Variants in LRRC1 observed in about 807,000 individuals in gnomAD.
LRRC1 encodes the protein leucine-rich repeat-containing protein 1.
A neutral mutation model predicts 69.9 loss-of-function variants in LRRC1; 28 were observed. The ratio of observed to expected loss-of-function variants is 0.40; its 90% CI spans 0.30 to 0.55. LRRC1 has a LOEUF of 0.55. Ranked by LOEUF, LRRC1 falls within the 20% of genes least tolerant of loss-of-function variation. The pLI is 0.47. For missense variants in LRRC1, 498 were observed against 609.0 expected, an observed-to-expected ratio of 0.82 and a Z score of 1.92; for synonymous variants, 236 against 240.2, an observed-to-expected ratio of 0.98 and a Z score of 0.16.
At chr6:53,846,570 G>A (rs1335036658) in intron 2 of LRRC1, among the ~76,000 whole-genome samples, 1 of 152,146 alleles carries the variant, frequency 6.6e-6, no homozygotes, top group Non-Finnish European at 1.5e-5. Context: ...CACTTCTCTT[G>A]TCTTAACTTG....
chr6:53,896,963 T>C, intron 6 of LRRC1, 71 bp downstream of exon 6: 1 of 973,760 alleles, frequency 1.0e-6, no homozygotes, highest in South Asian at 1.4e-5. Flanking sequence ...GGGGGAGTTC[T>C]ATAGGGATCT....
At chr6:53,870,560 A>G (rs1766849184) in intron 2 of LRRC1, among the ~76,000 whole-genome samples, 1 of 152,156 alleles carries the variant, frequency 6.6e-6, no homozygotes, top group South Asian at 2.1e-4. Flanking sequence ...TGTTTTTGAT[A>G]CATTTATACA....
chr6:53,837,845 A>G (rs545542137), intron 1 of LRRC1, among the ~76,000 whole-genome samples: 31 of 152,328 alleles, frequency 2.0e-4, no homozygotes, highest in African/African-American at 5.1e-4. Context: ...TGTATCTACT[A>G]AAAGCAATGG....
chr6:53,884,711 G>A (rs1767417187), intron 4 of LRRC1, among the ~76,000 whole-genome samples: 2 of 151,222 alleles, frequency 1.3e-5, no homozygotes, highest in Admixed American at 6.6e-5. Flanking sequence ...TTCCCATTTT[G>A]TGTCTTTTTA....
Position 53,923,849 on chromosome 6 carries a change from A to AC in LRRC1, c.*1058dup, listed in dbSNP as rs1310281694. 6.6e-6 allele frequency: 1 copy of AC among 152,640 alleles called. No homozygotes were observed. The highest frequency in any genetic ancestry group is 1.5e-5 in the Non-Finnish European group (1 of 68,048). 9.5% of individuals were successfully genotyped at this position (152,640 alleles called of 1,614,324 possible). ...TATACAACCACAATAAAGCAAAATA[A>AC]CCTACTATCAAAATAGAAATGTTGC... On this transcript the variant is annotated 3_prime_UTR_variant, in exon 14 of 14. Coordinates refer to ENST00000370888, the MANE Select transcript of LRRC1 (RefSeq NM_018214.5).
chr6:53,903,415 C>T (rs1768126529), intron 9 of LRRC1, among the ~76,000 whole-genome samples: 1 of 152,178 alleles, frequency 6.6e-6, no homozygotes, highest in African/African-American at 2.4e-5. Flanking sequence ...CTGCTGCCCC[C>T]TCTGCTTTTG....
chr6:53,920,921 C>A, intron 13 of LRRC1, 160 bp downstream of exon 13: 2 of 741,160 alleles, frequency 2.7e-6, no homozygotes, highest in Non-Finnish European at 4.3e-6. Flanking sequence ...ATTCTAGGTA[C>A]TCACTCACAA....
chr6:53,904,237 A>G, intron 9 of LRRC1, 142 bp from the exon 10 acceptor site: 2 of 562,134 alleles, frequency 3.6e-6, no homozygotes, highest in Non-Finnish European at 3.2e-6. Context: ...AGGGAACATT[A>G]CAAATATCTG....
chr6:53,808,606 A>G (rs1329713076), intron 1 of LRRC1, among the ~76,000 whole-genome samples: 1 of 152,120 alleles, frequency 6.6e-6, no homozygotes, highest in Non-Finnish European at 1.5e-5. Flanking sequence ...GGAGAGGGTA[A>G]ATAACTTGCC....
chr6:53,820,263 C>T (rs1765080057), intron 1 of LRRC1, among the ~76,000 whole-genome samples: 1 of 151,772 alleles, frequency 6.6e-6, no homozygotes, highest in South Asian at 2.1e-4. Context: ...AGACTTCTGC[C>T]ATTTGCTAGC....
rs16884465 is a variant in LRRC1, at chr6:53,919,754, C to A, written c.1279+84C>A. On this transcript the variant is annotated intron_variant, in intron 12 of 13. Coordinates refer to ENST00000370888, the MANE Select transcript of LRRC1 (RefSeq NM_018214.5). Reference sequence around the variant, plus strand: ...CTGTCCATAAGGCCTCTTACTCCCTCATGTGATTGTGTTATATCCAGTCTG... The same window carrying A: ...CTGTCCATAAGGCCTCTTACTCCCTAATGTGATTGTGTTATATCCAGTCTG... 591 of 1,257,364 alleles carry A rather than the reference C, an allele frequency of 4.7e-4. 5 individuals are homozygous for A. In the African/African-American group the frequency reaches 8.1e-3, roughly 17 times the overall value. The allele number at this position is 1,257,364 out of a possible 1,614,324, so 77.9% of individuals were successfully genotyped here.
At chr6:53,887,813 G>A (rs1581900641) in intron 4 of LRRC1, among the ~76,000 whole-genome samples, 1 of 152,144 alleles carries the variant, frequency 6.6e-6, no homozygotes, top group South Asian at 2.1e-4. Flanking sequence ...GTATAATTAA[G>A]TGAATGACTT....
chr6:53,866,708 T>C (rs927315581), intron 2 of LRRC1, among the ~76,000 whole-genome samples: 1 of 152,150 alleles, frequency 6.6e-6, no homozygotes, highest in African/African-American at 2.4e-5. Context: ...CATTTTAACA[T>C]TGTGTACTGA....
chr6:53,799,152 C>T (rs1764392774), intron 1 of LRRC1, among the ~76,000 whole-genome samples: 1 of 152,230 alleles, frequency 6.6e-6, no homozygotes, highest in Admixed American at 6.5e-5. Context: ...TTGCCACCTC[C>T]TCTTAAGAGT....
rs986346333 is a variant in LRRC1 at position 53,917,207 on chromosome 6, G to A, written c.1107-2291G>A. 4.6e-5 allele frequency among the ~76,000 whole-genome samples: 7 copies of A among 152,198 alleles called. No individual in the cohort carries two copies. The South Asian group carries it at 6.2e-4, about 14-fold the overall frequency. On this transcript the variant is annotated intron_variant, in intron 11 of 13. Coordinates refer to ENST00000370888, the MANE Select transcript of LRRC1 (RefSeq NM_018214.5). ...TGTCTTTTTTTCCCCAGGCTGTAGT[G>A]AGTTAGAGGATCAGCCAGCCTGCAG...
chr6:53,858,471 G>C (rs1766390745), intron 2 of LRRC1, among the ~76,000 whole-genome samples: 1 of 152,138 alleles, frequency 6.6e-6, no homozygotes, highest in Non-Finnish European at 1.5e-5. Context: ...AGTGGCCAGA[G>C]ACTGTCCCTC....
In LRRC1 at chr6:53,804,017, T is replaced by A. The variant is rs559154195; in HGVS notation, c.159+8602T>A. On this transcript the variant is annotated intron_variant, in intron 1 of 13. Coordinates refer to ENST00000370888, the MANE Select transcript of LRRC1 (RefSeq NM_018214.5). ...GGGCTGCAAACCTCTCAGGATGTGA[T>A]GTGGGCTCTGACTGCTTGACTTGAT... Among the ~76,000 whole-genome samples the A allele has an allele frequency of 3.9e-5, 6 of 152,342 alleles. No homozygotes were observed. In the South Asian group the frequency reaches 1.2e-3, roughly 32 times the overall value.
chr6:53,821,192 G>C (rs1765104842), intron 1 of LRRC1, among the ~76,000 whole-genome samples: 1 of 152,156 alleles, frequency 6.6e-6, no homozygotes, highest in South Asian at 2.1e-4. Flanking sequence ...TACATCATTT[G>C]AATGCTTTGT....
At chr6:53,823,268 T>C (rs1258231636) in intron 1 of LRRC1, among the ~76,000 whole-genome samples, 1 of 152,208 alleles carries the variant, frequency 6.6e-6, no homozygotes, top group Non-Finnish European at 1.5e-5. Flanking sequence ...TAAAAGTTCT[T>C]TGTAACTCAT....
Sources: gnomAD v4.1 joint callset for allele counts (sites outside exome capture counted in the v4.1 genomes callset) on GRCh38, gnomAD v4.1.1 for gene constraint, MANE v1.5 for transcripts, NCBI Gene and HGNC (gene_info 2026-07-23, HGNC 2026-07-21) for gene names.